PDE1A: variants seen among roughly 807,000 people sequenced by gnomAD.
PDE1A encodes the protein phosphodiesterase 1A.
PDE1A carries 35 observed loss-of-function variants against 61.7 expected under a neutral mutation model. That is an observed-to-expected ratio of 0.57 (90% CI 0.43 to 0.75). The LOEUF is 0.75. PDE1A is among the 30% of genes least tolerant of loss of function. PDE1A has a pLI of 0.00. For missense variants in PDE1A, 597 were observed against 630.6 expected (o/e 0.95, Z 0.57); for synonymous variants, 232 against 213.2 (o/e 1.09, Z -0.77).
intron 1 of PDE1A, among the ~76,000 whole-genome samples, chr2:182,327,892 C>T (rs779219014): frequency 7.9e-5 from 12 of 152,148 alleles, no homozygotes; most frequent in Non-Finnish European, 1.2e-4. Context: ...ATAGGACAAA[C>T]TGATGGAGTG....
chr2:182,190,813 A>C (rs559848305), intron 10 of PDE1A, among the ~76,000 whole-genome samples: 1 of 152,086 alleles, frequency 6.6e-6, no homozygotes, highest in East Asian at 1.9e-4. Flanking sequence ...AAAATTACCT[A>C]GGTGTGGTGG....
chr2:182,622,251 C>A, the PDE1A span, among the ~76,000 whole-genome samples: 1 of 152,100 alleles, frequency 6.6e-6, no homozygotes, highest in Admixed American at 6.6e-5. Flanking sequence ...ACACACGTGA[C>A]AAGATTGTTT....
At chr2:182,347,958 A>T (rs949472776) in intron 1 of PDE1A, among the ~76,000 whole-genome samples, 3 of 152,172 alleles carry the variant, frequency 2.0e-5, no homozygotes, top group African/African-American at 7.2e-5. Flanking sequence ...AAGAAGCAAC[A>T]CGTAGTTTTG....
chr2:182,562,460 T>C, the PDE1A span, among the ~76,000 whole-genome samples: 11 of 151,358 alleles, frequency 7.3e-5, no homozygotes, highest in African/African-American at 2.4e-4. Context: ...GGTTTGCCAG[T>C]ATTTTATTGA....
the PDE1A span, among the ~76,000 whole-genome samples, chr2:182,548,391 C>T: frequency 6.6e-6 from 1 of 152,034 alleles, no homozygotes; most frequent in Non-Finnish European, 1.5e-5. Context: ...AATGCCAAGT[C>T]GAAACGCACA....
the PDE1A span, among the ~76,000 whole-genome samples, chr2:182,593,577 T>C: frequency 6.6e-6 from 1 of 152,184 alleles, no homozygotes; most frequent in Non-Finnish European, 1.5e-5. Context: ...GGAATTTGTG[T>C]TGGATTTGAA....
At chr2:182,376,622 A>C (rs1173987429) in intron 1 of PDE1A, among the ~76,000 whole-genome samples, 1 of 152,168 alleles carries the variant, frequency 6.6e-6, no homozygotes, top group East Asian at 1.9e-4. Flanking sequence ...TCTGCCTGTT[A>C]CCCAGTTTCA....
chr2:182,512,805 C>T lies in PDE1A; in HGVS notation c.101+9471G>A, dbSNP rs564069613. 1.9e-3 allele frequency among the ~76,000 whole-genome samples: 296 copies of T among 152,198 alleles called. 1 individual carries two copies. The highest frequency in any genetic ancestry group is 2.9e-3 in the Non-Finnish European group (199 of 68,010). ...AACTCACTACAAGAATATCATAATA[C>T]GATCACAAGTATTAATAGCAGAATA... is the stretch of plus-strand genomic sequence containing the variant. On this transcript the variant is annotated intron_variant, in intron 2 of 14. Coordinates refer to the PDE1A transcript ENST00000410103.
At chr2:182,620,047 A>G in the PDE1A span, among the ~76,000 whole-genome samples, 1 of 152,194 alleles carries the variant, frequency 6.6e-6, no homozygotes, top group African/African-American at 2.4e-5. Flanking sequence ...AATGGCAGTT[A>G]CATTTCAACA....
chr2:182,299,217 T>C (rs1248962504), intron 1 of PDE1A, among the ~76,000 whole-genome samples: 2 of 151,750 alleles, frequency 1.3e-5, no homozygotes, highest in East Asian at 3.9e-4. Context: ...AGATGCCAGG[T>C]AATAAATGGA....
At chr2:182,587,657 T>C in the PDE1A span, among the ~76,000 whole-genome samples, 1 of 152,192 alleles carries the variant, frequency 6.6e-6, no homozygotes, top group Non-Finnish European at 1.5e-5. Context: ...ATCAAATCGA[T>C]GGCTGATCGG....
chr2:182,598,361 C>A, the PDE1A span, among the ~76,000 whole-genome samples: 1 of 152,038 alleles, frequency 6.6e-6, no homozygotes, highest in African/African-American at 2.4e-5. Context: ...CACCTAAGGC[C>A]AGGAGTTCAA....
At chr2:182,641,028 A>AAAAAAAAAAAAAAG in the PDE1A span, among the ~76,000 whole-genome samples, 14 of 149,722 alleles carry the variant, frequency 9.4e-5, no homozygotes, top group African/African-American at 3.2e-4. Flanking sequence ...TCAAAAAAAA[A>AAAAAAAAAAAAAAG]AAGAAGAAGA....
At chr2:182,632,154 A>G in the PDE1A span, among the ~76,000 whole-genome samples, 99 of 152,286 alleles carry the variant, frequency 6.5e-4, 1 homozygote, top group African/African-American at 2.4e-3. Context: ...ACACACCAAG[A>G]GACAGAGAGA....
chr2:182,537,862 C>G, the PDE1A span, among the ~76,000 whole-genome samples: 1 of 151,808 alleles, frequency 6.6e-6, no homozygotes, highest in Non-Finnish European at 1.5e-5. Flanking sequence ...GCCTTGGAGG[C>G]CCCTGAAAAG....
chr2:182,673,423 C>T, the PDE1A span, among the ~76,000 whole-genome samples: 4 of 152,108 alleles, frequency 2.6e-5, no homozygotes, highest in Non-Finnish European at 5.9e-5. Context: ...AGAAATATGA[C>T]TCCACTTCTT....
downstream of PDE1A, among the ~76,000 whole-genome samples, chr2:182,164,344 A>G (rs1025432241): frequency 4.6e-5 from 7 of 152,138 alleles, no homozygotes; most frequent in African/African-American, 7.2e-5. Flanking sequence ...ACATGGTCCA[A>G]TGGTTTGGCT....
the PDE1A span, among the ~76,000 whole-genome samples, chr2:182,646,672 A>G: frequency 6.6e-5 from 10 of 152,068 alleles, no homozygotes; most frequent in Non-Finnish European, 1.2e-4. Context: ...TGACAGAGCT[A>G]GACTCCATCT....
chr2:182,459,558 A>G (rs1437456593), intron 2 of PDE1A, among the ~76,000 whole-genome samples: 3 of 152,156 alleles, frequency 2.0e-5, no homozygotes, highest in Non-Finnish European at 4.4e-5. Context: ...CTTAATCCAC[A>G]AATGATCTCT....
Sources: allele counts gnomAD v4.1 joint callset (sites outside exome capture counted in the v4.1 genomes callset), GRCh38; gene constraint gnomAD v4.1.1; transcripts MANE v1.5; gene names NCBI Gene and HGNC (gene_info 2026-07-23, HGNC 2026-07-21).